SNRPC: variants seen among roughly 807,000 people sequenced by gnomAD.
The protein encoded by SNRPC is U1 small nuclear ribonucleoprotein C.
SNRPC carries 5 observed loss-of-function variants against 20.0 expected under a neutral mutation model. The observed-to-expected ratio is 0.25, with a 90% CI of 0.13 to 0.53. SNRPC has a LOEUF of 0.53. Ranked by LOEUF, SNRPC falls within the 20% of genes least tolerant of loss-of-function variation. The probability of loss-of-function intolerance (pLI) is 0.96; values close to 1 mark genes in which losing one functional copy is unlikely to be tolerated. For synonymous variants in SNRPC, 61 were observed against 58.7 expected (o/e 1.04, Z -0.18); for missense variants, 112 against 224.1 (o/e 0.50, Z 3.19).
chr6:34,763,043 G>A (rs1032726080), intron 3 of SNRPC, among the ~76,000 whole-genome samples: 4 of 152,146 alleles, frequency 2.6e-5, no homozygotes, highest in African/African-American at 9.7e-5. Flanking sequence ...TTAGAAGTAT[G>A]TTCCTATTCT....
chr6:34,759,892 A>G (rs1035222891), intron 2 of SNRPC, among the ~76,000 whole-genome samples: 13 of 152,174 alleles, frequency 8.5e-5, no homozygotes, highest in Admixed American at 3.3e-4. Flanking sequence ...AACTCTTTTT[A>G]CAGCTGAGGC....
chr6:34,769,649 C>A (rs1208117723), intron 4 of SNRPC, among the ~76,000 whole-genome samples: 2 of 152,104 alleles, frequency 1.3e-5, no homozygotes, highest in Non-Finnish European at 2.9e-5. Flanking sequence ...ATACTTGTGG[C>A]TTAAGTTCAT....
chr6:34,764,840 C>G (rs1004569781), intron 3 of SNRPC, among the ~76,000 whole-genome samples: 7 of 151,764 alleles, frequency 4.6e-5, no homozygotes, highest in East Asian at 2.0e-4. Flanking sequence ...TGACCAACAT[C>G]GAGAAACCGT....
Position 34,757,540 on chromosome 6 carries a change from C to T in SNRPC, c.-4C>T. On this transcript the variant is annotated 5_prime_UTR_variant, in exon 1 of 6. Transcript: ENST00000244520. The stretch of plus-strand genomic sequence containing the variant: ...ACGGAGTGGCCAACGGCCTGCAGAG[C>T]AACATGCCCAAGTGAGTGGGGCCCC... The T allele has an allele frequency of 6.2e-7, 1 of 1,613,452 alleles. No homozygotes were observed. The highest frequency in any genetic ancestry group is 8.5e-7 in the Non-Finnish European group (1 of 1,179,458).
chr6:34,768,776 G>A (rs6940395), intron 4 of SNRPC, among the ~76,000 whole-genome samples: 40 of 147,846 alleles, frequency 2.7e-4, no homozygotes, highest in Middle Eastern at 3.5e-3. Context: ...AAAAAGAAAA[G>A]AAAAGAAGGA....
intron 3 of SNRPC, among the ~76,000 whole-genome samples, chr6:34,764,907 G>T (rs1337504208): frequency 6.6e-6 from 1 of 151,966 alleles, no homozygotes; most frequent in African/African-American, 2.4e-5. Flanking sequence ...TGTAATCCCA[G>T]CTACTTGGGA....
intron 4 of SNRPC, among the ~76,000 whole-genome samples, chr6:34,770,005 C>A (rs912830101): frequency 6.6e-6 from 1 of 152,162 alleles, no homozygotes; most frequent in Non-Finnish European, 1.5e-5. Context: ...GGCAGATCAC[C>A]TGAGGTTGGG....
chr6:34,765,452 A>G (rs1042758952), intron 3 of SNRPC, among the ~76,000 whole-genome samples: 1 of 151,448 alleles, frequency 6.6e-6, no homozygotes, highest in African/African-American at 2.4e-5. Context: ...TTATTTATTT[A>G]TTGAGATTGA....
At chr6:34,761,338 T>C (rs1764532683) in intron 2 of SNRPC, among the ~76,000 whole-genome samples, 1 of 151,784 alleles carries the variant, frequency 6.6e-6, no homozygotes, top group Admixed American at 6.6e-5. Flanking sequence ...CAGTTTCGCC[T>C]TGTAGGCCAG....
intron 2 of SNRPC, among the ~76,000 whole-genome samples, chr6:34,759,992 T>C (rs1261074823): frequency 8.5e-5 from 13 of 152,206 alleles, no homozygotes; most frequent in Non-Finnish European, 1.9e-4. Context: ...TTTTCTATTG[T>C]CACCTTATTT....
intron 5 of SNRPC, among the ~76,000 whole-genome samples, chr6:34,772,266 G>A (rs1363375442): frequency 2.6e-5 from 4 of 152,126 alleles, no homozygotes; most frequent in East Asian, 1.9e-4. Flanking sequence ...AAAGAAAAAA[G>A]GAATCTAGAC....
chr6:34,764,951 G>T (rs994778898), intron 3 of SNRPC, among the ~76,000 whole-genome samples: 1 of 152,094 alleles, frequency 6.6e-6, no homozygotes, highest in Non-Finnish European at 1.5e-5. Context: ...AACCCGGGAG[G>T]TGGAGGTTGC....
At chr6:34,772,405 T>C (rs1764702697) in intron 5 of SNRPC, among the ~76,000 whole-genome samples, 1 of 152,220 alleles carries the variant, frequency 6.6e-6, no homozygotes, top group Non-Finnish European at 1.5e-5. Context: ...TTCTTCAATA[T>C]AGGTTAAGCA....
intron 3 of SNRPC, among the ~76,000 whole-genome samples, chr6:34,763,570 A>G (rs1764566523): frequency 6.6e-6 from 1 of 150,916 alleles, no homozygotes; most frequent in South Asian, 2.1e-4. Context: ...AATCCCAGCT[A>G]CTCAGGAGGC....
At chr6:34,760,659 A>G (rs997167809) in intron 2 of SNRPC, among the ~76,000 whole-genome samples, 3 of 152,168 alleles carry the variant, frequency 2.0e-5, no homozygotes, top group Admixed American at 6.6e-5. Flanking sequence ...TTCATGAGAA[A>G]TGTCATGAAC....
chr6:34,771,480 A>G (rs1388840270), intron 5 of SNRPC, among the ~76,000 whole-genome samples: 1 of 152,172 alleles, frequency 6.6e-6, no homozygotes, highest in Non-Finnish European at 1.5e-5. Flanking sequence ...ATCTAGTTCC[A>G]ATCTTTTATG....
At chr6:34,760,517 A>C (rs1394079865) in intron 2 of SNRPC, among the ~76,000 whole-genome samples, 1 of 152,044 alleles carries the variant, frequency 6.6e-6, no homozygotes, top group East Asian at 1.9e-4. Flanking sequence ...TAATTTTCTG[A>C]AATTGTTAAT....
At chr6:34,757,883 C>CTTT (rs1190889112) in intron 1 of SNRPC, 29 bp from the exon 2 acceptor site, 28 of 1,613,474 alleles carry the variant, frequency 1.7e-5, no homozygotes, top group Non-Finnish European at 2.4e-5. Context: ...TGGTTGTCGT[C>CTTT]TTTTTCTCTT....
intron 2 of SNRPC, 114 bp downstream of exon 2, chr6:34,758,068 C>A: frequency 1.8e-6 from 2 of 1,106,802 alleles, no homozygotes; most frequent in Non-Finnish European, 2.6e-6. Flanking sequence ...GGTTTAAGGT[C>A]TACTCCTTGA....
Sources: allele counts gnomAD v4.1 joint callset (sites outside exome capture counted in the v4.1 genomes callset), GRCh38; gene constraint gnomAD v4.1.1; transcripts MANE v1.5; gene names NCBI Gene and HGNC (gene_info 2026-07-23, HGNC 2026-07-21).